The following PTPRG variants were observed in gnomAD, a reference collection of about 807,000 sequenced individuals.
PTPRG encodes receptor-type tyrosine-protein phosphatase gamma.
PTPRG carries 102 observed loss-of-function variants against 165.3 expected under a neutral mutation model. The observed-to-expected ratio is 0.62, with a 90% CI of 0.53 to 0.73. The LOEUF (loss-of-function observed/expected upper bound fraction) is 0.73. Among genes scored for constraint, PTPRG ranks in the 30% least tolerant of loss-of-function variants. The probability of loss-of-function intolerance (pLI) is 0.00; values close to 1 mark genes in which losing one functional copy is unlikely to be tolerated. For missense variants in PTPRG, 1,866 were observed against 1,861.4 expected, an observed-to-expected ratio of 1.00 and a Z score of -0.05; for synonymous variants, 675 against 669.5, an observed-to-expected ratio of 1.01 and a Z score of -0.13.
At chr3:61,734,790 A>G (rs1270829862) in intron 1 of PTPRG, among the ~76,000 whole-genome samples, 1 of 152,152 alleles carries the variant, frequency 6.6e-6, no homozygotes, top group Non-Finnish European at 1.5e-5. Flanking sequence ...TCATAAAAGG[A>G]TTTATATTCA....
intron 2 of PTPRG, among the ~76,000 whole-genome samples, chr3:61,962,068 G>GT (rs955057471): frequency 3.2e-4 from 48 of 152,130 alleles, no homozygotes; most frequent in Non-Finnish European, 6.8e-4. Flanking sequence ...TTAGGGTTGG[G>GT]TTTTAAGTAC....
At chr3:61,660,926 T>C (rs9838912) in intron 1 of PTPRG, among the ~76,000 whole-genome samples, 147,149 of 152,182 alleles carry the variant, frequency 0.97, 71,291 homozygotes, top group Non-Finnish European at 1. Flanking sequence ...CGCTTGAACC[T>C]GGGAGGCGGA....
At position 61,695,205 on chromosome 3, in the gene PTPRG, T is replaced by C. The variant is rs546277069; in HGVS notation, c.86-53673T>C. Among the ~76,000 whole-genome samples the C allele has an allele frequency of 8.5e-5, 13 of 152,288 alleles. No homozygotes were observed. In the South Asian group the frequency reaches 2.7e-3, roughly 32 times the overall value. On this transcript the variant is annotated intron_variant, in intron 1 of 29. Transcript: ENST00000474889. ...TTTGTATTTTTAGGAGAGACAGGATTTCACCATGTTGCCAAGGCTGGTCTC... is the reference window on the plus strand; with the variant it reads ...TTTGTATTTTTAGGAGAGACAGGATCTCACCATGTTGCCAAGGCTGGTCTC...
At chr3:62,142,983 C>T (rs73096579) in intron 6 of PTPRG, among the ~76,000 whole-genome samples, 2 of 152,080 alleles carry the variant, frequency 1.3e-5, no homozygotes, top group East Asian at 3.9e-4. Context: ...CTTGCCCCAG[C>T]GTCACATCAT....
chr3:62,080,235 AT>A (rs3068435), intron 5 of PTPRG, among the ~76,000 whole-genome samples: 73 of 146,078 alleles, frequency 5.0e-4, no homozygotes, highest in Non-Finnish European at 5.4e-4. Context: ...TGCCCAGCTA[AT>A]TTTTTTTTTT....
intron 2 of PTPRG, among the ~76,000 whole-genome samples, chr3:61,840,525 A>T (rs952367080): frequency 7.2e-5 from 11 of 152,178 alleles, no homozygotes; most frequent in African/African-American, 2.7e-4. Context: ...GGGTTTTATT[A>T]CAAATGATGT....
At chr3:62,055,332 C>T (rs1004814674) in intron 4 of PTPRG, among the ~76,000 whole-genome samples, 10 of 152,240 alleles carry the variant, frequency 6.6e-5, no homozygotes, top group African/African-American at 2.2e-4. Context: ...ACAGAAATAT[C>T]GCTAATAAGG....
chr3:62,215,716 G>A (rs1700484271), intron 12 of PTPRG, among the ~76,000 whole-genome samples: 2 of 152,066 alleles, frequency 1.3e-5, no homozygotes, highest in African/African-American at 4.8e-5. Context: ...TTTTTCTGGG[G>A]CCTGAACCTC....
intron 1 of PTPRG, among the ~76,000 whole-genome samples, chr3:61,680,691 G>A (rs547134103): frequency 1.3e-4 from 20 of 151,586 alleles, no homozygotes; most frequent in Middle Eastern, 3.2e-3. Flanking sequence ...TAGGCTTTCA[G>A]GGTATATTGG....
intron 26 of PTPRG, among the ~76,000 whole-genome samples, chr3:62,279,029 G>GTC (rs1398656069): frequency 6.6e-6 from 1 of 152,034 alleles, no homozygotes; most frequent in South Asian, 2.1e-4. Context: ...GCATCTCAGT[G>GTC]TCTCTCTGAG....
chr3:61,622,652 A>G (rs1421814096), intron 1 of PTPRG, among the ~76,000 whole-genome samples: 1 of 152,202 alleles, frequency 6.6e-6, no homozygotes, highest in African/African-American at 2.4e-5. Context: ...ATAATTGCAA[A>G]TCCTTATAAC....
intron 1 of PTPRG, among the ~76,000 whole-genome samples, chr3:61,728,960 T>C (rs892158183): frequency 2.0e-5 from 3 of 149,816 alleles, no homozygotes; most frequent in African/African-American, 7.4e-5. Context: ...TACTTGAGAG[T>C]TTGAGATGGG....
chr3:61,912,944 A>G (rs998129344), intron 2 of PTPRG, among the ~76,000 whole-genome samples: 1 of 152,214 alleles, frequency 6.6e-6, no homozygotes, highest in African/African-American at 2.4e-5. Flanking sequence ...GCTGAAAATA[A>G]CATGAACAGG....
chr3:62,167,972 T>C lies in PTPRG; in HGVS notation c.842T>C (p.Leu281Pro). Residue 281 changes from leucine to proline, a missense_variant and splice_region_variant, in exon 8 of 30, where the codon CTT (leucine) becomes CCT (proline). By Grantham distance (98) the Leu-to-Pro change is moderately conservative. Around this residue, in one of 3 missense-constraint regions of PTPRG, gnomAD observed 408 missense variants for 376.2 expected, o/e 1.08. Coordinates refer to ENST00000474889, the MANE Select transcript of PTPRG (RefSeq NM_002841.4). Reference protein sequence around the residue: ...RRPVPISYHQLEAFYSIFTTE... With the variant: ...RRPVPISYHQPEAFYSIFTTE... ...TCCCCTCTCTGGTCCTCTGTTCAGCTTGAGGCTTTTTATTCCATCTTCACC... is the reference window on the plus strand; with the variant it reads ...TCCCCTCTCTGGTCCTCTGTTCAGCCTGAGGCTTTTTATTCCATCTTCACC... The C allele has an allele frequency of 6.2e-7, 1 of 1,611,926 alleles. No homozygotes were observed.
chr3:61,805,340 G>A (rs893025260), intron 2 of PTPRG, among the ~76,000 whole-genome samples: 1 of 152,048 alleles, frequency 6.6e-6, no homozygotes, highest in Non-Finnish European at 1.5e-5. Context: ...TGTTGATAGT[G>A]CCAAGGTTAA....
intron 4 of PTPRG, among the ~76,000 whole-genome samples, chr3:62,017,070 G>T (rs1057457626): frequency 6.6e-6 from 1 of 152,230 alleles, no homozygotes; most frequent in African/African-American, 2.4e-5. Flanking sequence ...TAGAGGAGGG[G>T]ATCAGAGGAG....
chr3:62,033,094 C>A (rs1007453277), intron 4 of PTPRG, among the ~76,000 whole-genome samples: 1 of 152,110 alleles, frequency 6.6e-6, no homozygotes, highest in Admixed American at 6.5e-5. Flanking sequence ...TGACCCGGCT[C>A]CTGCCTCCCA....
intron 5 of PTPRG, among the ~76,000 whole-genome samples, chr3:62,108,854 C>G (rs1049121759): frequency 6.6e-6 from 1 of 152,120 alleles, no homozygotes; most frequent in Middle Eastern, 3.2e-3. Flanking sequence ...TGAGAAGTGT[C>G]TGTTCATATC....
chr3:62,085,151 A>C (rs1691720774), intron 5 of PTPRG, among the ~76,000 whole-genome samples: 1 of 152,246 alleles, frequency 6.6e-6, no homozygotes, highest in Non-Finnish European at 1.5e-5. Flanking sequence ...ATTATTGCTC[A>C]GGAAATATAT....
Sources: gnomAD v4.1 joint callset for allele counts (sites outside exome capture counted in the v4.1 genomes callset) on GRCh38, gnomAD v4.1.1 for gene constraint, gnomAD v4.1.1 regional missense constraint, MANE v1.5 for transcripts, NCBI Gene and HGNC (gene_info 2026-07-23, HGNC 2026-07-21) for gene names.